CDC45: variants seen among roughly 807,000 people sequenced by gnomAD.
The protein encoded by CDC45 is cell division control protein 45 homolog.
A neutral mutation model predicts 77.8 loss-of-function variants in CDC45; 54 were observed. That is an observed-to-expected ratio of 0.69 (90% CI 0.56 to 0.87). The LOEUF (loss-of-function observed/expected upper bound fraction) is 0.87. Ranked by LOEUF, CDC45 falls within the 40% of genes least tolerant of loss-of-function variation. The pLI is 0.00. For missense variants in CDC45, 649 were observed against 721.6 expected, an observed-to-expected ratio of 0.90 and a Z score of 1.15; for synonymous variants, 260 against 272.1, an observed-to-expected ratio of 0.96 and a Z score of 0.44.
In CDC45 at chr22:19,520,330, G is replaced by T. The variant is rs767103688; in HGVS notation, c.*2-151G>T. ...CCAGTCAAGGGGTGCTATGAGGACAGCAGGGGCCTCCGAGTCTGGGGTGGC... is the reference window on the plus strand; with the variant it reads ...CCAGTCAAGGGGTGCTATGAGGACATCAGGGGCCTCCGAGTCTGGGGTGGC... On this transcript the variant is annotated intron_variant, in intron 18 of 18. Transcript: ENST00000263201. This position sits in a 1 kb window ranked among gnomAD's most constrained non-coding sequence, Gnocchi z 4.5. Among the ~76,000 whole-genome samples, 5 of 152,194 alleles carry T rather than the reference G, an allele frequency of 3.3e-5. No homozygotes were observed. The highest frequency in any genetic ancestry group is 5.9e-5 in the Non-Finnish European group (4 of 68,032).
chr22:19,490,829 CTTT>C (rs1248793856), intron 5 of CDC45, among the ~76,000 whole-genome samples: 9 of 137,254 alleles, frequency 6.6e-5, no homozygotes, highest in Non-Finnish European at 6.4e-5. Context: ...ACCTTATCTT[CTTT>C]TTTTTTTTTT....
At chr22:19,479,559 G>C (rs1036566002), upstream of CDC45, 5 of 571,668 alleles carry the variant, frequency 8.7e-6, no homozygotes, top group African/African-American at 7.4e-5. Context: ...AAACGTAAAT[G>C]CTGCCCCATT....
chr22:19,514,293 T>G (rs890619390), intron 13 of CDC45, among the ~76,000 whole-genome samples: 7 of 152,222 alleles, frequency 4.6e-5, no homozygotes, highest in Non-Finnish European at 8.8e-5. Flanking sequence ...ACTTTGGGAC[T>G]CCCCACTGTA....
chr22:19,505,197 G>T, intron 9 of CDC45, 165 bp from the exon 10 acceptor site: 1 of 712,966 alleles, frequency 1.4e-6, no homozygotes, highest in East Asian at 2.7e-5. Flanking sequence ...TTTCCTGGGT[G>T]CTTGGTTTCT....
At chr22:19,516,694 G>T in intron 16 of CDC45, 49 bp downstream of exon 16, 1 of 1,542,480 alleles carries the variant, frequency 6.5e-7, no homozygotes, top group Non-Finnish European at 8.9e-7. Flanking sequence ...GGGTGTTGGG[G>T]TTATCAGCTT....
At chr22:19,501,175 G>A (rs1932889298) in intron 9 of CDC45, among the ~76,000 whole-genome samples, 6 of 151,658 alleles carry the variant, frequency 4.0e-5, no homozygotes, top group African/African-American at 1.5e-4. Context: ...ACAAGACTCC[G>A]TCTCAAAAAA....
At chr22:19,500,870 G>A (rs1300011090) in intron 9 of CDC45, among the ~76,000 whole-genome samples, 6 of 152,050 alleles carry the variant, frequency 3.9e-5, no homozygotes, top group Admixed American at 6.5e-5. Flanking sequence ...CATATGGACC[G>A]CCTGGTCCTA....
rs1430529461 is a variant in CDC45, at chr22:19,518,919, A to G, written c.*1+10A>G. The stretch of plus-strand genomic sequence containing the variant: ...TCCCTCCTGTCCTAGGGTGAGTTAC[A>G]GGGGTTCTGCAGGGGTGGCTGCAGC... On this transcript the variant is annotated intron_variant, in intron 18 of 18. Transcript: ENST00000263201. 3 of 1,611,450 alleles carry G rather than the reference A, an allele frequency of 1.9e-6. No individual in the cohort carries two copies. Among genetic ancestry groups the G allele is most frequent in the African/African-American group, 1.3e-5 (1 of 74,990 alleles).
At chr22:19,501,603 G>A (rs551291710) in intron 9 of CDC45, among the ~76,000 whole-genome samples, 7 of 152,258 alleles carry the variant, frequency 4.6e-5, no homozygotes, top group East Asian at 3.9e-4. Context: ...TGCATGGAAC[G>A]TTTGCCTAGA....
intron 5 of CDC45, among the ~76,000 whole-genome samples, chr22:19,486,898 G>A (rs563591947): frequency 2.7e-4 from 41 of 152,146 alleles, no homozygotes; most frequent in African/African-American, 8.9e-4. Context: ...GGATGGTCTC[G>A]ATCTCCTGAC....
chr22:19,512,251 C>A (rs1017293629), intron 13 of CDC45, among the ~76,000 whole-genome samples: 1 of 152,214 alleles, frequency 6.6e-6, no homozygotes, highest in Admixed American at 6.5e-5. Flanking sequence ...TAAACTTTCC[C>A]TTGGCCCACT....
chr22:19,479,967 C>G lies in CDC45; in HGVS notation c.-2C>G. On this transcript the variant is annotated 5_prime_UTR_variant, in exon 1 of 19. Coordinates refer to ENST00000263201, the MANE Select transcript of CDC45 (RefSeq NM_003504.5). ...AGCGCCAGGCGTCCGGCCGCCGTGG[C>G]TATGTTCGTGTCCGATTTCCGCAAA... 6.2e-7 allele frequency: 1 copy of G among 1,613,488 alleles called. No homozygotes were observed. Among genetic ancestry groups the G allele is most frequent in the Non-Finnish European group, 8.5e-7 (1 of 1,180,032 alleles).
At chr22:19,479,843 G>T, upstream of CDC45, 1 of 932,844 alleles carries the variant, frequency 1.1e-6, no homozygotes, top group South Asian at 1.3e-5. Flanking sequence ...GGAAGGCTGG[G>T]AACTAAGAAG....
chr22:19,519,154 G>A (rs1933970508), intron 18 of CDC45, among the ~76,000 whole-genome samples: 1 of 152,204 alleles, frequency 6.6e-6, no homozygotes, highest in Admixed American at 6.5e-5. Flanking sequence ...AGAAAGAGCT[G>A]GTATTCACCC....
At position 19,487,252 on chromosome 22, in the gene CDC45, A is replaced by T. The variant is rs183226622; in HGVS notation, c.486+3247A>T. Among the ~76,000 whole-genome samples, 212 of 150,470 alleles carry T rather than the reference A, an allele frequency of 1.4e-3. 4 individuals carry two copies. In the East Asian group the frequency reaches 0.016, roughly 11 times the overall value. ...GGTTGTAGTGGGCCAAGATCACGCC[A>T]CTGCACTCCAGCCTGGGCGACAGAG... On this transcript the variant is annotated intron_variant, in intron 5 of 18. Transcript: ENST00000263201.
intron 9 of CDC45, among the ~76,000 whole-genome samples, chr22:19,500,535 C>T (rs959143205): frequency 2.6e-5 from 4 of 152,082 alleles, no homozygotes; most frequent in Non-Finnish European, 2.9e-5. Context: ...TAGGAAATGC[C>T]GTTTTCCCTT....
intron 11 of CDC45, 49 bp downstream of exon 11, chr22:19,507,566 G>T (rs2146414354): frequency 6.2e-7 from 1 of 1,608,936 alleles, no homozygotes; most frequent in East Asian, 2.2e-5. Context: ...CCACCCCCAA[G>T]GGAAAAGCCC....
At chr22:19,482,201 T>C (rs906734634) in intron 3 of CDC45, among the ~76,000 whole-genome samples, 2 of 152,180 alleles carry the variant, frequency 1.3e-5, no homozygotes, top group African/African-American at 2.4e-5. Context: ...CTGATGTTCC[T>C]GTTATTATGT....
intron 5 of CDC45, among the ~76,000 whole-genome samples, chr22:19,486,550 C>T (rs372418591): frequency 6.6e-6 from 1 of 152,038 alleles, no homozygotes; most frequent in Admixed American, 6.5e-5. Flanking sequence ...GCTTCTCTAT[C>T]CCTGCATTTT....
Sources: allele counts gnomAD v4.1 joint callset (sites outside exome capture counted in the v4.1 genomes callset), GRCh38; gene constraint gnomAD v4.1.1; non-coding constraint Gnocchi (gnomAD v3.1); transcripts MANE v1.5; gene names NCBI Gene and HGNC (gene_info 2026-07-23, HGNC 2026-07-21).